The following TPR variants were observed in gnomAD, a reference collection of about 807,000 sequenced individuals.
TPR encodes translocated promoter region, nuclear basket protein, also known as nucleoprotein TPR.
In TPR, 51 loss-of-function variants were observed where a neutral mutation model predicts 316.1. The ratio of observed to expected loss-of-function variants is 0.16; its 90% CI spans 0.13 to 0.20. TPR has a LOEUF of 0.20. Among genes scored for constraint, TPR ranks in the 10% least tolerant of loss-of-function variants. The pLI, the probability that TPR is intolerant of heterozygous loss-of-function variation, is 1.00. For synonymous variants in TPR, 981 were observed against 914.7 expected (o/e 1.07, Z -1.31); for missense variants, 2,272 against 2,754.8 (o/e 0.82, Z 3.92).
intron 44 of TPR, 45 bp from the exon 45 acceptor site, chr1:186,322,457 T>C (rs748716312): frequency 4.3e-6 from 7 of 1,611,968 alleles, no homozygotes; most frequent in East Asian, 4.5e-5. Context: ...ACCACACATA[T>C]GGACTATATA....
intron 25 of TPR, 25 bp from the exon 26 acceptor site, chr1:186,344,115 T>G: frequency 6.3e-7 from 1 of 1,597,262 alleles, no homozygotes; most frequent in Non-Finnish European, 8.5e-7. Context: ...TCTATCAGAA[T>G]AACAGATTTT....
chr1:186,360,641 A>G, intron 10 of TPR, 124 bp downstream of exon 10: 1 of 1,284,936 alleles, frequency 7.8e-7, no homozygotes, highest in Non-Finnish European at 1.1e-6. Flanking sequence ...AATTCTATTA[A>G]TATAACTCGA....
At chr1:186,354,635 T>C (rs1658969400) in intron 17 of TPR, among the ~76,000 whole-genome samples, 1 of 152,170 alleles carries the variant, frequency 6.6e-6, no homozygotes, top group East Asian at 1.9e-4. Context: ...CCTAACAAAC[T>C]AAACTAACAA....
chr1:186,343,146 A>T, intron 27 of TPR, 180 bp downstream of exon 27: 1 of 662,522 alleles, frequency 1.5e-6, no homozygotes, highest in Non-Finnish European at 2.2e-6. Context: ...CAGTTTGGTT[A>T]CAGAGCCTTT....
At chr1:186,318,387 A>C in intron 48 of TPR, 60 bp downstream of exon 48, 6 of 1,537,470 alleles carry the variant, frequency 3.9e-6, no homozygotes, top group Non-Finnish European at 5.2e-6. Flanking sequence ...GGCTAAAGGA[A>C]AACAAATGTA....
chr1:186,347,534 A>C (rs547655694), intron 21 of TPR, 76 bp from the exon 22 acceptor site: 1 of 1,435,026 alleles, frequency 7.0e-7, no homozygotes, highest in African/African-American at 1.4e-5. Flanking sequence ...GAGCTTATGA[A>C]ATTAGCATTA....
intron 21 of TPR, among the ~76,000 whole-genome samples, chr1:186,348,927 CTAGA>C (rs1658763888): frequency 6.6e-6 from 1 of 152,014 alleles, no homozygotes; most frequent in Admixed American, 6.5e-5. Flanking sequence ...TAATTATCTA[CTAGA>C]TAATTATACA....
rs114793851 is a variant in TPR at position 186,368,038 on chromosome 1, G to A, written c.331-56C>T. 597 of 1,291,214 alleles carry A rather than the reference G, an allele frequency of 4.6e-4. 1 individual carries two copies. The African/African-American group carries it at 7.5e-3, about 16-fold the overall frequency. The allele number at this position is 1,291,214 out of a possible 1,614,324, so 80.0% of individuals were successfully genotyped here. Reference sequence around the variant, plus strand: ...ATCAAGTAGAGCAATACAGGAAAGCGAACATAGAATTGTCACTTTAGTTAA... The same window carrying A: ...ATCAAGTAGAGCAATACAGGAAAGCAAACATAGAATTGTCACTTTAGTTAA... On this transcript the variant is annotated intron_variant, in intron 3 of 50. Coordinates refer to ENST00000367478, the MANE Select transcript of TPR (RefSeq NM_003292.3).
intron 40 of TPR, among the ~76,000 whole-genome samples, chr1:186,327,107 AAATATATATAAATATATAACATATATATT>A (rs2102058301): frequency 1.0e-4 from 1 of 9,914 alleles, no homozygotes; most frequent in African/African-American, 3.5e-4. Flanking sequence ...TTATATATAT[AAATATATATAAATATATAACATATATATT>A]ATATATATAA....
At chr1:186,372,537 G>A (rs1217798210) in intron 2 of TPR, among the ~76,000 whole-genome samples, 1 of 151,394 alleles carries the variant, frequency 6.6e-6, no homozygotes, top group Admixed American at 6.6e-5. Context: ...GTGAGACTCT[G>A]TCTCCAAAAA....
At chr1:186,332,809 G>A (rs1658209566) in intron 37 of TPR, among the ~76,000 whole-genome samples, 1 of 152,056 alleles carries the variant, frequency 6.6e-6, no homozygotes, top group African/African-American at 2.4e-5. Flanking sequence ...GCATTAATAT[G>A]TAAGACCAGT....
At chr1:186,346,537 A>C (rs1658682133) in intron 22 of TPR, among the ~76,000 whole-genome samples, 1 of 152,070 alleles carries the variant, frequency 6.6e-6, no homozygotes, top group Admixed American at 6.6e-5. Flanking sequence ...CCAATCTCTC[A>C]TTTCTCCCTC....
At chr1:186,317,406 G>C in intron 49 of TPR, 76 bp downstream of exon 49, 1 of 1,092,534 alleles carries the variant, frequency 9.2e-7, no homozygotes, top group East Asian at 2.4e-5. Context: ...TTATTAATTT[G>C]TTACTAATAA....
chr1:186,324,421 G>T (rs565604873), intron 42 of TPR, among the ~76,000 whole-genome samples: 2 of 152,090 alleles, frequency 1.3e-5, no homozygotes, highest in Non-Finnish European at 2.9e-5. Context: ...CCTGAATTTT[G>T]AATTTTAACA....
intron 29 of TPR, 120 bp downstream of exon 29, chr1:186,340,908 A>G (rs1316263088): frequency 7.2e-6 from 9 of 1,247,886 alleles, no homozygotes; most frequent in Non-Finnish European, 8.9e-6. Flanking sequence ...AACATAATAG[A>G]CTTTCACTAA....
At chr1:186,321,723 G>C (rs1657782128) in intron 45 of TPR, among the ~76,000 whole-genome samples, 1 of 152,108 alleles carries the variant, frequency 6.6e-6, no homozygotes, top group African/African-American at 2.4e-5. Context: ...TTCATTTGTA[G>C]TAACAAAGCC....
At chr1:186,351,218 G>A in intron 20 of TPR, 112 bp downstream of exon 20, 1 of 1,291,224 alleles carries the variant, frequency 7.7e-7, no homozygotes. Context: ...GAAAAACTTA[G>A]TAACAAAGTT....
intron 36 of TPR, 86 bp downstream of exon 36, chr1:186,334,239 T>C (rs1366683963): frequency 4.6e-6 from 6 of 1,318,522 alleles, no homozygotes; most frequent in Middle Eastern, 2.7e-4. Context: ...CTGTAGTGGA[T>C]GCTTCATTTG....
chr1:186,323,809 C>T lies in TPR; in HGVS notation c.6174G>A (p.Gln2058=). ...SFSQEVSREQ[Q]PSSASERQAP... ...CCTGTCTTTCAGATGCTGATGATGGCTGTTGTTCTCTAGAAACCTCCTGAG... is the reference window on the plus strand; with the variant it reads ...CCTGTCTTTCAGATGCTGATGATGGTTGTTGTTCTCTAGAAACCTCCTGAG... Residue 2058 remains glutamine, a synonymous_variant, in exon 43 of 51, where the codon CAG becomes CAA. Coordinates refer to ENST00000367478, the MANE Select transcript of TPR (RefSeq NM_003292.3). 4 of 1,554,914 alleles carry T rather than the reference C, an allele frequency of 2.6e-6. No individual in the cohort carries two copies. The highest frequency in any genetic ancestry group is 3.5e-6 in the Non-Finnish European group (4 of 1,159,206).
Sources: allele counts gnomAD v4.1 joint callset (sites outside exome capture counted in the v4.1 genomes callset), GRCh38; gene constraint gnomAD v4.1.1; transcripts MANE v1.5; gene names NCBI Gene and HGNC (gene_info 2026-07-23, HGNC 2026-07-21).